The following SLC4A4 variants were observed in gnomAD, a reference collection of about 807,000 sequenced individuals.
SLC4A4 encodes the protein electrogenic sodium bicarbonate cotransporter 1.
A neutral mutation model predicts 111.5 loss-of-function variants in SLC4A4; 27 were observed. That is an observed-to-expected ratio of 0.24 (90% CI 0.18 to 0.33). The LOEUF is 0.33. Among genes scored for constraint, SLC4A4 ranks in the 10% least tolerant of loss-of-function variants. SLC4A4 has a pLI of 1.00. For missense variants in SLC4A4, 909 were observed against 1,315.5 expected (o/e 0.69, Z 4.78); for synonymous variants, 443 against 463.4 (o/e 0.96, Z 0.57).
chr4:71,417,821 T>C (rs1272102303), intron 7 of SLC4A4, among the ~76,000 whole-genome samples: 2 of 152,216 alleles, frequency 1.3e-5, no homozygotes, highest in Non-Finnish European at 2.9e-5. Flanking sequence ...CTTTAGGTAG[T>C]AAAATCTATT....
In SLC4A4 at chr4:71,236,607, G is replaced by T. The variant is rs753231947; in HGVS notation, c.31G>T (p.Ala11Ser). MEDEAVLDRGASFLKHVCDEE... is the reference protein window; with the variant it reads MEDEAVLDRGSSFLKHVCDEE... ...GGATGAAGCTGTCCTGGACAGAGGG[G>T]CTTCCTTCCTCAAGCATGTGTGTGA... is the stretch of plus-strand genomic sequence containing the variant. The change falls in exon 2 of 26, where the codon GCT becomes TCT. Residue 11 changes from alanine to serine, a missense_variant. Physicochemically the swap from Ala to Ser is moderately conservative, Grantham distance 99. Transcript: ENST00000264485. The T allele has an allele frequency of 6.2e-7, 1 of 1,613,894 alleles. No individual in the cohort carries two copies. Among genetic ancestry groups the T allele is most frequent in the Non-Finnish European group, 8.5e-7 (1 of 1,179,822 alleles).
intron 1 of SLC4A4, among the ~76,000 whole-genome samples, chr4:71,225,227 C>G (rs909445871): frequency 9.9e-5 from 15 of 152,210 alleles, no homozygotes; most frequent in Admixed American, 9.8e-4. Context: ...TGGCGCATGC[C>G]TGTAATCCCA....
chr4:71,263,504 G>A (rs1246148202), intron 3 of SLC4A4, among the ~76,000 whole-genome samples: 1 of 152,130 alleles, frequency 6.6e-6, no homozygotes, highest in Non-Finnish European at 1.5e-5. Context: ...TAAATAAAAT[G>A]CCCAGAAATT....
intron 16 of SLC4A4, among the ~76,000 whole-genome samples, chr4:71,527,965 A>T (rs1733571696): frequency 1.3e-5 from 2 of 152,022 alleles, no homozygotes; most frequent in African/African-American, 4.8e-5. Flanking sequence ...CAATCTCAAG[A>T]GTTTGGAGGA....
chr4:71,528,061 T>C (rs1169872613), intron 16 of SLC4A4, among the ~76,000 whole-genome samples: 2 of 152,100 alleles, frequency 1.3e-5, no homozygotes, highest in Non-Finnish European at 2.9e-5. Flanking sequence ...TTCCAAAATG[T>C]CTTCAGAATG....
At chr4:71,546,139 G>A (rs529416749) in intron 18 of SLC4A4, among the ~76,000 whole-genome samples, 120 of 152,114 alleles carry the variant, frequency 7.9e-4, no homozygotes, top group African/African-American at 2.7e-3. Context: ...TAGTACAGAA[G>A]GTCTCTACCA....
At chr4:71,222,383 T>G (rs1051970151) in intron 1 of SLC4A4, among the ~76,000 whole-genome samples, 2 of 152,236 alleles carry the variant, frequency 1.3e-5, no homozygotes, top group African/African-American at 4.8e-5. Flanking sequence ...ACTACCTATT[T>G]AAAACTGCAC....
intron 15 of SLC4A4, among the ~76,000 whole-genome samples, chr4:71,489,666 C>T (rs969269750): frequency 6.6e-6 from 1 of 151,750 alleles, no homozygotes; most frequent in African/African-American, 2.4e-5. Context: ...GCTATTGCGT[C>T]CTCCGTCTGC....
rs754965224 is a variant in SLC4A4 at position 71,571,562 on chromosome 4, T to C, written c.*3811T>C. On this transcript the variant is annotated 3_prime_UTR_variant, in exon 26 of 26. Coordinates refer to ENST00000264485, the MANE Select transcript of SLC4A4 (RefSeq NM_001098484.3). ...ATGTCCAATTTCCTGGCTCATTTCATTGTGCTCTATGGGTACGTATAAAAA... is the reference window on the plus strand; with the variant it reads ...ATGTCCAATTTCCTGGCTCATTTCACTGTGCTCTATGGGTACGTATAAAAA... The C allele has an allele frequency of 4.6e-5, 7 of 152,270 alleles. No individual in the cohort carries two copies. The highest frequency in any genetic ancestry group is 7.2e-5 in the African/African-American group (3 of 41,416). The allele number at this position is 152,270 out of a possible 1,614,324, so 9.4% of individuals were successfully genotyped here. A position where few individuals can be genotyped will look rare whatever the true frequency, so the allele number is the denominator to read the frequency against.
At chr4:71,185,904 A>AC (rs1302820071), upstream of SLC4A4, among the ~76,000 whole-genome samples, 3 of 122,544 alleles carry the variant, frequency 2.4e-5, no homozygotes, top group African/African-American at 4.2e-5. Context: ...TGTTGAAAAC[A>AC]CAGTTTGGTC....
chr4:71,547,227 G>A (rs2149235784), intron 19 of SLC4A4, among the ~76,000 whole-genome samples: 1 of 152,086 alleles, frequency 6.6e-6, no homozygotes, highest in African/African-American at 2.4e-5. Context: ...AAATTTCCTT[G>A]AGCTGTTTGT....
intron 3 of SLC4A4, among the ~76,000 whole-genome samples, chr4:71,265,932 A>G (rs144466996): frequency 7.0e-4 from 107 of 152,314 alleles, no homozygotes; most frequent in African/African-American, 2.4e-3. Flanking sequence ...ATTTCTTTTT[A>G]AACATACCCT....
rs565626570 is a variant in SLC4A4 at position 71,379,567 on chromosome 4, C to A, written c.731-18010C>A. Among the ~76,000 whole-genome samples, 17 of 152,222 alleles carry A rather than the reference C, an allele frequency of 1.1e-4. No individual in the cohort carries two copies. In the South Asian group the frequency reaches 3.5e-3, roughly 32 times the overall value. ...TTATTTGTGCTCTCATAACCCCAAC[C>A]CCCTTCCCCCATTGACTTATCATTA... On this transcript the variant is annotated intron_variant, in intron 6 of 25. Coordinates refer to ENST00000264485, the MANE Select transcript of SLC4A4 (RefSeq NM_001098484.3).
At chr4:71,499,593 G>A (rs868518937) in intron 16 of SLC4A4, among the ~76,000 whole-genome samples, 1 of 151,892 alleles carries the variant, frequency 6.6e-6, no homozygotes, top group African/African-American at 2.4e-5. Context: ...CCCATTCCCC[G>A]CCTCCAGTAG....
At chr4:71,419,289 C>T (rs919030584) in intron 7 of SLC4A4, among the ~76,000 whole-genome samples, 6 of 152,302 alleles carry the variant, frequency 3.9e-5, no homozygotes, top group African/African-American at 9.6e-5. Flanking sequence ...CTGTGCCCTG[C>T]CCCCAGAGGT....
chr4:71,361,712 G>T (rs566994152), intron 6 of SLC4A4, among the ~76,000 whole-genome samples: 54 of 152,028 alleles, frequency 3.6e-4, no homozygotes, highest in Non-Finnish European at 7.4e-4. Flanking sequence ...CTAATAATTT[G>T]GTCTGAGATA....
At chr4:71,523,094 A>G (rs1733102607) in intron 16 of SLC4A4, among the ~76,000 whole-genome samples, 1 of 152,164 alleles carries the variant, frequency 6.6e-6, no homozygotes, top group Admixed American at 6.5e-5. Context: ...TTTGCTCTCA[A>G]AAATTATCTT....
At chr4:71,142,913 G>A (rs1455161594) in intron 2 of SLC4A4, among the ~76,000 whole-genome samples, 1 of 151,706 alleles carries the variant, frequency 6.6e-6, no homozygotes, top group Non-Finnish European at 1.5e-5. Context: ...GGCACTTTAT[G>A]TGAAGTACCT....
intron 3 of SLC4A4, among the ~76,000 whole-genome samples, chr4:71,299,227 G>C (rs1024189948): frequency 6.6e-6 from 1 of 152,206 alleles, no homozygotes; most frequent in African/African-American, 2.4e-5. Context: ...TTAGGCCATA[G>C]GAAATAGGGC....
Sources: allele counts gnomAD v4.1 joint callset (sites outside exome capture counted in the v4.1 genomes callset), GRCh38; gene constraint gnomAD v4.1.1; transcripts MANE v1.5; gene names NCBI Gene and HGNC (gene_info 2026-07-23, HGNC 2026-07-21).